The following GABBR2 variants were observed in gnomAD, a reference collection of about 807,000 sequenced individuals.
The protein encoded by GABBR2 is gamma-aminobutyric acid type B receptor subunit 2, also known as G-protein coupled receptor 51.
In GABBR2, 23 loss-of-function variants were observed where a neutral mutation model predicts 105.6. That is an observed-to-expected ratio of 0.22 (90% CI 0.16 to 0.31). The LOEUF is 0.31. GABBR2 is among the 10% of genes least tolerant of loss of function. The pLI, the probability that GABBR2 is intolerant of heterozygous loss-of-function variation, is 1.00. For synonymous variants in GABBR2, 478 were observed against 499.7 expected (o/e 0.96, Z 0.58); for missense variants, 734 against 1,245.5 (o/e 0.59, Z 6.18).
At chr9:98,366,584 C>A (rs917565631) in intron 12 of GABBR2, among the ~76,000 whole-genome samples, 2 of 152,024 alleles carry the variant, frequency 1.3e-5, no homozygotes, top group African/African-American at 4.8e-5. Context: ...TTCATTTTTT[C>A]AAAAAACTTG....
chr9:98,685,181 C>T (rs771096790), intron 1 of GABBR2, among the ~76,000 whole-genome samples: 1 of 152,170 alleles, frequency 6.6e-6, no homozygotes, highest in Admixed American at 6.5e-5. Context: ...TCTCCCGTGC[C>T]GGATGATTCC....
At chr9:98,583,648 C>G (rs1375985819) in intron 1 of GABBR2, among the ~76,000 whole-genome samples, 1 of 152,216 alleles carries the variant, frequency 6.6e-6, no homozygotes, top group Non-Finnish European at 1.5e-5. Flanking sequence ...ATAGGCTACT[C>G]ACTCCAAGTT....
intron 3 of GABBR2, among the ~76,000 whole-genome samples, chr9:98,526,608 T>A (rs2131720695): frequency 6.6e-6 from 1 of 152,330 alleles, no homozygotes; most frequent in Middle Eastern, 3.4e-3. Context: ...TTAAATCATT[T>A]GTTTCCCCCA....
chr9:98,521,459 G>T (rs944760), intron 3 of GABBR2, among the ~76,000 whole-genome samples: 7,003 of 152,266 alleles, frequency 0.046, 243 homozygotes, highest in South Asian at 0.12. Context: ...CAACCCAACA[G>T]CCTTCAGGAG....
At chr9:98,402,233 A>G (rs1832407004) in intron 8 of GABBR2, among the ~76,000 whole-genome samples, 1 of 152,202 alleles carries the variant, frequency 6.6e-6, no homozygotes, top group Non-Finnish European at 1.5e-5. Context: ...AGAACAGCAT[A>G]AACAAGGCTC....
At chr9:98,639,260 T>C (rs534855569) in intron 1 of GABBR2, among the ~76,000 whole-genome samples, 16 of 152,288 alleles carry the variant, frequency 1.1e-4, no homozygotes, top group African/African-American at 3.9e-4. Flanking sequence ...AGCAGTGTCC[T>C]CACCTGGCAA....
intron 13 of GABBR2, among the ~76,000 whole-genome samples, chr9:98,342,380 G>A (rs1050100090): frequency 1.3e-5 from 2 of 152,158 alleles, no homozygotes; most frequent in African/African-American, 4.8e-5. Flanking sequence ...TGAGAGATAA[G>A]GCTAGGGAGG....
At chr9:98,607,092 C>T (rs777968724) in intron 1 of GABBR2, 53 of 1,581,768 alleles carry the variant, frequency 3.4e-5, no homozygotes, top group Admixed American at 2.0e-4. Flanking sequence ...TTTTGATTCA[C>T]GCTATGGTAG....
At chr9:98,387,656 G>C (rs924755850) in intron 10 of GABBR2, among the ~76,000 whole-genome samples, 5 of 152,144 alleles carry the variant, frequency 3.3e-5, no homozygotes, top group African/African-American at 1.2e-4. Flanking sequence ...CCCGGACACA[G>C]TGGCTCATGC....
intron 6 of GABBR2, among the ~76,000 whole-genome samples, chr9:98,455,738 C>A (rs551715461): frequency 6.6e-6 from 1 of 152,334 alleles, no homozygotes; most frequent in African/African-American, 2.4e-5. Context: ...CTGTGTCTTC[C>A]GTGGGTGGAG....
At chr9:98,417,163 C>T (rs10760306) in intron 7 of GABBR2, among the ~76,000 whole-genome samples, 106,651 of 152,120 alleles carry the variant, frequency 0.7, 38,270 homozygotes, top group East Asian at 0.85. Flanking sequence ...TTACGTTGCA[C>T]TGAGTTGAGT....
intron 9 of GABBR2, among the ~76,000 whole-genome samples, chr9:98,390,289 G>A (rs937343669): frequency 1.2e-4 from 18 of 145,388 alleles, no homozygotes; most frequent in Non-Finnish European, 2.4e-4. Flanking sequence ...CAGGAAAATC[G>A]CTTGAACCCA....
chr9:98,344,857 C>T (rs980671276), intron 13 of GABBR2, among the ~76,000 whole-genome samples: 13 of 152,150 alleles, frequency 8.5e-5, no homozygotes, highest in East Asian at 5.8e-4. Flanking sequence ...AAATCTCTAC[C>T]GACTGGACAA....
intron 11 of GABBR2, among the ~76,000 whole-genome samples, chr9:98,373,599 C>G (rs1467291287): frequency 6.6e-6 from 1 of 152,164 alleles, no homozygotes; most frequent in East Asian, 1.9e-4. Flanking sequence ...GGTAGCTGAC[C>G]AACCTGTAAC....
At chr9:98,417,178 T>G (rs16915785) in intron 7 of GABBR2, among the ~76,000 whole-genome samples, 1 of 151,930 alleles carries the variant, frequency 6.6e-6, no homozygotes, top group African/African-American at 2.4e-5. Context: ...TTGAGTTGAG[T>G]TGAATGGACT....
At chr9:98,340,819 T>A (rs1037200384) in intron 13 of GABBR2, among the ~76,000 whole-genome samples, 1 of 152,238 alleles carries the variant, frequency 6.6e-6, no homozygotes, top group African/African-American at 2.4e-5. Context: ...TCTGCCAACA[T>A]GGATGTGTGG....
intron 2 of GABBR2, among the ~76,000 whole-genome samples, chr9:98,564,511 T>C (rs1828722774): frequency 6.6e-6 from 1 of 152,228 alleles, no homozygotes; most frequent in Non-Finnish European, 1.5e-5. Context: ...GGCAAGGCAC[T>C]CAACCTCTTT....
intron 13 of GABBR2, among the ~76,000 whole-genome samples, chr9:98,312,842 T>C (rs1480198639): frequency 6.6e-6 from 1 of 152,146 alleles, no homozygotes; most frequent in East Asian, 1.9e-4. Flanking sequence ...TTCTGCCTCC[T>C]GAGTTCAAGC....
At chr9:98,317,056 G>A (rs2050574) in intron 13 of GABBR2, among the ~76,000 whole-genome samples, 4,555 of 152,316 alleles carry the variant, frequency 0.03, 215 homozygotes, top group East Asian at 0.17. Context: ...GCTTATTTGA[G>A]GGAGGAAGAA....
Sources: allele counts gnomAD v4.1 joint callset (sites outside exome capture counted in the v4.1 genomes callset), GRCh38; gene constraint gnomAD v4.1.1; transcripts MANE v1.5; gene names NCBI Gene and HGNC (gene_info 2026-07-23, HGNC 2026-07-21).